GPR158: variants seen among roughly 807,000 people sequenced by gnomAD.
GPR158 encodes metabotropic glycine receptor.
Under a neutral mutation model 78.2 loss-of-function variants are expected in GPR158, and 30 were observed. The ratio of observed to expected loss-of-function variants is 0.38; its 90% confidence interval spans 0.29 to 0.52. The LOEUF (loss-of-function observed/expected upper bound fraction) is 0.52, where lower values mean the gene tolerates loss of function less well. GPR158 is among the 20% of genes least tolerant of loss of function. The pLI, the probability that GPR158 is intolerant of heterozygous loss-of-function variation, is 0.83. For synonymous variants in GPR158, 581 were observed against 591.1 expected (o/e 0.98, Z 0.25); for missense variants, 1,463 against 1,523.5 (o/e 0.96, Z 0.66).
chr10:25,280,240 G>A (rs971727712), intron 2 of GPR158, among the ~76,000 whole-genome samples: 2 of 152,156 alleles, frequency 1.3e-5, no homozygotes, highest in African/African-American at 4.8e-5. Context: ...CACACTCAAA[G>A]CATAAGGACA....
At chr10:25,582,540 C>T (rs1837217071) in intron 7 of GPR158, among the ~76,000 whole-genome samples, 1 of 152,162 alleles carries the variant, frequency 6.6e-6, no homozygotes, top group Admixed American at 6.5e-5. Context: ...GCCATTCCGA[C>T]AGTTCTGGCC....
chr10:25,446,249 A>G (rs1183291190), intron 4 of GPR158, among the ~76,000 whole-genome samples: 1 of 152,182 alleles, frequency 6.6e-6, no homozygotes, highest in East Asian at 1.9e-4. Flanking sequence ...GTATCAGAGA[A>G]CTAGTGCAGA....
intron 6 of GPR158, among the ~76,000 whole-genome samples, chr10:25,563,866 T>G (rs1480518903): frequency 6.6e-6 from 1 of 152,194 alleles, no homozygotes; most frequent in East Asian, 1.9e-4. Flanking sequence ...ATAAGGTTAA[T>G]GTCTGGATGT....
chr10:25,402,431 A>G (rs970377613), intron 3 of GPR158, among the ~76,000 whole-genome samples: 3 of 152,100 alleles, frequency 2.0e-5, no homozygotes, highest in African/African-American at 7.2e-5. Flanking sequence ...AATATGGGCT[A>G]TGTATTAGAT....
intron 8 of GPR158, among the ~76,000 whole-genome samples, chr10:25,590,662 CTAACAAATCAACTAAAGT>C (rs1262337869): frequency 2.0e-5 from 3 of 152,140 alleles, no homozygotes; most frequent in African/African-American, 7.2e-5. Flanking sequence ...AACAAATCGA[CTAACAAATCAACTAAAGT>C]TAACAAATCA....
chr10:25,199,766 G>T (rs774906094), intron 1 of GPR158, among the ~76,000 whole-genome samples: 1 of 152,098 alleles, frequency 6.6e-6, no homozygotes, highest in South Asian at 2.1e-4. Context: ...TCCTGAGGCC[G>T]CCTCAGCCAT....
intron 5 of GPR158, among the ~76,000 whole-genome samples, chr10:25,543,867 C>G (rs1836623205): frequency 6.6e-6 from 1 of 152,104 alleles, no homozygotes; most frequent in Non-Finnish European, 1.5e-5. Flanking sequence ...AAAAAACTTC[C>G]CATGGTTATG....
Position 25,216,554 on chromosome 10 carries a change from G to A in GPR158, c.903-4498G>A, listed in dbSNP as rs549739483. Among the ~76,000 whole-genome samples, 1,021 of 152,182 alleles carry A rather than the reference G, an allele frequency of 6.7e-3. 14 individuals carry two copies. Among genetic ancestry groups the A allele is most frequent in the African/African-American group, 0.024 (977 of 41,508 alleles). The stretch of plus-strand genomic sequence containing the variant: ...CCAAAGTTAATTTTGGGTGTGGGCT[G>A]ATTTAGGAGCTAAGGAAAAATATTA... On this transcript the variant is annotated intron_variant, in intron 1 of 10. Coordinates refer to ENST00000376351, the MANE Select transcript of GPR158 (RefSeq NM_020752.3).
intron 7 of GPR158, among the ~76,000 whole-genome samples, chr10:25,580,923 A>ATTTT (rs71677287): frequency 1.2e-4 from 12 of 102,968 alleles, no homozygotes; most frequent in African/African-American, 7.6e-4. Flanking sequence ...ATTTTATTTT[A>ATTTT]TTTTATTTTT....
intron 5 of GPR158, among the ~76,000 whole-genome samples, chr10:25,483,265 A>G (rs960508021): frequency 6.6e-6 from 1 of 151,944 alleles, no homozygotes; most frequent in Non-Finnish European, 1.5e-5. Context: ...CTGTAACACT[A>G]TCTCTTCACC....
chr10:25,459,820 A>AACAGCCAG, intron 4 of GPR158, among the ~76,000 whole-genome samples: 1 of 151,934 alleles, frequency 6.6e-6, no homozygotes, highest in Non-Finnish European at 1.5e-5. Context: ...AAATGAGTAT[A>AACAGCCAG]ATATAATTTG....
chr10:25,575,193 T>C (rs79668281), intron 7 of GPR158, among the ~76,000 whole-genome samples: 3,379 of 152,286 alleles, frequency 0.022, 54 homozygotes, highest in African/African-American at 0.038. Flanking sequence ...GTTGAGTATA[T>C]TGTGAGTTTA....
chr10:25,458,472 C>T lies in GPR158; in HGVS notation c.1336-8179C>T, dbSNP rs1209969061. Among the ~76,000 whole-genome samples the T allele has an allele frequency of 3.3e-5, 5 of 152,164 alleles. No homozygotes were observed. In the South Asian group the frequency reaches 8.3e-4, roughly 25 times the overall value. ...GAGGAAATCTCACTGATTTGGGAAC[C>T]AGCAGCTATGGAAGACAGGACTGTT... is the stretch of plus-strand genomic sequence containing the variant. On this transcript the variant is annotated intron_variant, in intron 4 of 10. Coordinates refer to ENST00000376351, the MANE Select transcript of GPR158 (RefSeq NM_020752.3).
At chr10:25,187,785 C>A (rs1852708886) in intron 1 of GPR158, among the ~76,000 whole-genome samples, 2 of 152,062 alleles carry the variant, frequency 1.3e-5, no homozygotes, top group Non-Finnish European at 2.9e-5. Flanking sequence ...CTGGCCAGGG[C>A]AATCAGGCAG....
intron 2 of GPR158, among the ~76,000 whole-genome samples, chr10:25,221,738 A>G (rs551320931): frequency 6.1e-4 from 93 of 152,322 alleles, no homozygotes; most frequent in Non-Finnish European, 1.1e-3. Context: ...TTCTGGAAAT[A>G]AGACTATCAC....
At chr10:25,509,184 T>C (rs1196595237) in intron 5 of GPR158, among the ~76,000 whole-genome samples, 1 of 152,186 alleles carries the variant, frequency 6.6e-6, no homozygotes, top group East Asian at 1.9e-4. Flanking sequence ...AAAATGTCTC[T>C]GGACATTTTC....
chr10:25,373,906 G>T (rs182058786), intron 2 of GPR158, among the ~76,000 whole-genome samples: 1 of 151,580 alleles, frequency 6.6e-6, no homozygotes, highest in African/African-American at 2.4e-5. Context: ...TTTATGCAGT[G>T]CTTTTTAATG....
At chr10:25,271,094 C>A (rs985471225) in intron 2 of GPR158, among the ~76,000 whole-genome samples, 1 of 152,160 alleles carries the variant, frequency 6.6e-6, no homozygotes, top group Non-Finnish European at 1.5e-5. Context: ...CTCAGGACAC[C>A]TATGTGCCCA....
chr10:25,502,426 G>A (rs1026301347), intron 5 of GPR158, among the ~76,000 whole-genome samples: 1 of 152,130 alleles, frequency 6.6e-6, no homozygotes, highest in African/African-American at 2.4e-5. Flanking sequence ...GCGTGAGGCT[G>A]TCATTTAGAA....
Sources: allele counts gnomAD v4.1 joint callset (sites outside exome capture counted in the v4.1 genomes callset), GRCh38; gene constraint gnomAD v4.1.1; transcripts MANE v1.5; gene names NCBI Gene and HGNC (gene_info 2026-07-23, HGNC 2026-07-21).